The following PROC variants were observed in gnomAD, a reference collection of about 807,000 sequenced individuals.
PROC encodes the protein vitamin K-dependent protein C.
Under a neutral mutation model 36.3 loss-of-function variants are expected in PROC, and 22 were observed. The ratio of observed to expected loss-of-function variants is 0.61; its 90% CI spans 0.43 to 0.86. The LOEUF is 0.86. PROC is among the 40% of genes least tolerant of loss of function. PROC has a pLI of 0.00. For missense variants in PROC, 526 were observed against 629.7 expected, an observed-to-expected ratio of 0.84 and a Z score of 1.76; for synonymous variants, 218 against 244.5, an observed-to-expected ratio of 0.89 and a Z score of 1.01.
rs781215905 is a variant in PROC, at chr2:127,427,133, T to C, written c.707T>C (p.Leu236Pro). The C allele has an allele frequency of 2.5e-6, 4 of 1,613,922 alleles. No homozygotes were observed. Among genetic ancestry groups the C allele is most frequent in the Non-Finnish European group, 2.5e-6 (3 of 1,179,982 alleles). ...QVVLLDSKKK[L>P]ACGAVLIHPS... The stretch of plus-strand genomic sequence containing the variant: ...GTCCTGCTGGACTCAAAGAAGAAGC[T>C]GGCCTGCGGGGCAGTGCTCATCCAC... The change falls in exon 8 of 9, where the codon CTG becomes CCG. Residue 236 changes from leucine (L) to proline (P), a missense_variant. Coordinates refer to ENST00000234071, the MANE Select transcript of PROC (RefSeq NM_000312.4).
chr2:127,423,329 AGAG>A lies in PROC; in HGVS notation c.461_463del (p.Glu154del). On this transcript the variant is annotated inframe_deletion, in exon 6 of 9. Transcript: ENST00000234071. ...ACGGCGGCTGCACGCATTACTGCCT[AGAG>A]GAGGTGGGCTGGCGGCGCTGTAGCT... The A allele has an allele frequency of 3.2e-6, 5 of 1,550,222 alleles. No homozygotes were observed. Among genetic ancestry groups the A allele is most frequent in the South Asian group, 1.2e-5 (1 of 84,072 alleles).
rs776372871 is a variant in PROC, at chr2:127,423,071, G to C, written c.300G>C (p.Pro100=). Residue 100 remains proline, a synonymous_variant, in exon 5 of 9, where the codon CCG becomes CCC. Coordinates refer to ENST00000234071, the MANE Select transcript of PROC (RefSeq NM_000312.4). ...GCTTGGTCTTGCCCTTGGAGCACCC[G>C]TGCGCCAGCCTGTGCTGCGGGCACG... ...DQCLVLPLEH[P]CASLCCGHGT... 11 of 1,612,104 alleles carry C rather than the reference G, an allele frequency of 6.8e-6. No individual in the cohort carries two copies. Among genetic ancestry groups the C allele is most frequent in the Non-Finnish European group, 9.3e-6 (11 of 1,179,592 alleles).
Position 127,428,800 on chromosome 2 carries a change from T to C in PROC, c.1240T>C (p.Trp414Arg). 6.2e-7 allele frequency: 1 copy of C among 1,612,174 alleles called. No homozygotes were observed. Among genetic ancestry groups the C allele is most frequent in the Non-Finnish European group, 8.5e-7 (1 of 1,178,978 alleles). Residue 414 changes from tryptophan to arginine, a missense_variant, in exon 9 of 9, where the codon TGG becomes CGG. By Grantham distance (101) the Trp-to-Arg change is moderately radical (BLOSUM62 -3). Transcript: ENST00000234071. ...GPMVASFHGT[W>R]FLVGLVSWGE... is the part of the protein sequence containing the mutation. ...CATGGTCGCCTCCTTCCACGGCACC[T>C]GGTTCCTGGTGGGCCTGGTGAGCTG...
rs369583440 is a variant in PROC, at chr2:127,422,870, T to G, written c.238-47T>G. 290 of 1,540,724 alleles carry G rather than the reference T, an allele frequency of 1.9e-4. No homozygotes were observed. The African/African-American group carries it at 3.4e-3, about 18-fold the overall frequency. ...CCCTGCCCCACCCGGGCGCGCCCCCTCCGCACACCGGCTGCAGGAGCCTGA... is the reference window on the plus strand; with the variant it reads ...CCCTGCCCCACCCGGGCGCGCCCCCGCCGCACACCGGCTGCAGGAGCCTGA... On this transcript the variant is annotated intron_variant, in intron 3 of 8. Coordinates refer to ENST00000234071, the MANE Select transcript of PROC (RefSeq NM_000312.4).
intron 8 of PROC, among the ~76,000 whole-genome samples, chr2:127,427,433 G>A (rs569552097): frequency 1.1e-4 from 16 of 150,238 alleles, no homozygotes; most frequent in African/African-American, 3.2e-4. Context: ...GTTCTCTGGT[G>A]CCCTCTTCGA....
At chr2:127,427,813 C>T (rs1239060764) in intron 8 of PROC, among the ~76,000 whole-genome samples, 2 of 152,338 alleles carry the variant, frequency 1.3e-5, no homozygotes, top group East Asian at 3.9e-4. Context: ...GCCAGTGGCC[C>T]CCCGTGGGGC....
intron 2 of PROC, among the ~76,000 whole-genome samples, chr2:127,420,683 C>G (rs2069913): frequency 0.23 from 35,631 of 151,960 alleles, 4,279 homozygotes; most frequent in South Asian, 0.37. Context: ...GCACCCAAGA[C>G]AGACACTTCA....
rs780915049 is a variant in PROC, at chr2:127,427,238, A to G, written c.796+16A>G. On this transcript the variant is annotated intron_variant, in intron 8 of 8. Transcript: ENST00000234071. ...GTCAGGCTTGGTATGGGCTGGAGCCAGGCAGAAGGGGGCTGCCAGAGGCCT... is the reference window on the plus strand; with the variant it reads ...GTCAGGCTTGGTATGGGCTGGAGCCGGGCAGAAGGGGGCTGCCAGAGGCCT... 1 of 1,607,068 alleles carries G rather than the reference A, an allele frequency of 6.2e-7. No homozygotes were observed. Among genetic ancestry groups the G allele is most frequent in the Non-Finnish European group, 8.5e-7 (1 of 1,175,764 alleles).
In PROC at chr2:127,423,100, C is replaced by A. The variant is rs370147557; in HGVS notation, c.329C>A (p.Thr110Lys). Residue 110 changes from threonine to lysine, a missense_variant, in exon 5 of 9, where the codon ACG becomes AAG. Physicochemically the swap from Thr to Lys is moderately conservative, Grantham distance 78. Coordinates refer to ENST00000234071, the MANE Select transcript of PROC (RefSeq NM_000312.4). Reference sequence around the variant, plus strand: ...GCCAGCCTGTGCTGCGGGCACGGCACGTGCATCGACGGCATCGGCAGCTTC... The same window carrying A: ...GCCAGCCTGTGCTGCGGGCACGGCAAGTGCATCGACGGCATCGGCAGCTTC... ...PCASLCCGHG[T>K]CIDGIGSFSC... The A allele has an allele frequency of 3.1e-6, 5 of 1,609,692 alleles. No homozygotes were observed. In the African/African-American group the frequency reaches 4.0e-5, roughly 13 times the overall value.
At chr2:127,427,355 T>C (rs892355729) in intron 8 of PROC, 133 bp downstream of exon 8, 3 of 791,628 alleles carry the variant, frequency 3.8e-6, no homozygotes, top group East Asian at 2.7e-5. Context: ...CAGAAGGTGT[T>C]TGGGGGGAAG....
chr2:127,423,155 C>A lies in PROC; in HGVS notation c.384C>A (p.Gly128=), dbSNP rs1255863415. The change falls in exon 5 of 9, where the codon GGC becomes GGA. Residue 128 remains glycine (G), a synonymous_variant. Coordinates refer to ENST00000234071, the MANE Select transcript of PROC (RefSeq NM_000312.4). ...GCGACTGCCGCAGCGGCTGGGAGGG[C>A]CGCTTCTGCCAGCGCGGTGAGGGGG... ...FSCDCRSGWE[G]RFCQREVSFL... The A allele has an allele frequency of 6.3e-7, 1 of 1,594,570 alleles. No homozygotes were observed. Among genetic ancestry groups the A allele is most frequent in the Admixed American group, 1.7e-5 (1 of 58,750 alleles).
At position 127,423,431 on chromosome 2, in the gene PROC, C is replaced by A. The variant is rs780251296; in HGVS notation, c.535+23C>A. On this transcript the variant is annotated intron_variant, in intron 6 of 8. Coordinates refer to ENST00000234071, the MANE Select transcript of PROC (RefSeq NM_000312.4). ...CAGGTGAGAAGCCCCCAATACATCG[C>A]CCAGGAATCACGCTGGGTGCAGGGT... 18 of 1,544,848 alleles carry A rather than the reference C, an allele frequency of 1.2e-5. No homozygotes were observed. In the African/African-American group the frequency reaches 2.2e-4, roughly 19 times the overall value.
intron 2 of PROC, 51 bp downstream of exon 2, chr2:127,420,063 CTGGTGGG>C: frequency 1.3e-6 from 2 of 1,590,252 alleles, no homozygotes; most frequent in Non-Finnish European, 1.7e-6. Context: ...CTACAAGGCC[CTGGTGGG>C]CATCTGCCCA....
In PROC at chr2:127,423,349, G is replaced by T; in HGVS notation, c.476G>T (p.Arg159Leu). The change falls in exon 6 of 9, where the codon CGC becomes CTC. Residue 159 changes from arginine (R) to leucine (L), a missense_variant. Physicochemically the swap from Arg to Leu is moderately radical, Grantham distance 102 (BLOSUM62 -2). Coordinates refer to ENST00000234071, the MANE Select transcript of PROC (RefSeq NM_000312.4). ...TGCCTAGAGGAGGTGGGCTGGCGGCGCTGTAGCTGTGCGCCTGGCTACAAG... is the reference window on the plus strand; with the variant it reads ...TGCCTAGAGGAGGTGGGCTGGCGGCTCTGTAGCTGTGCGCCTGGCTACAAG... ...HYCLEEVGWR[R>L]CSCAPGYKLG... 6.5e-7 allele frequency: 1 copy of T among 1,550,252 alleles called. No individual in the cohort carries two copies. The highest frequency in any genetic ancestry group is 8.7e-7 in the Non-Finnish European group (1 of 1,147,092).
chr2:127,421,480 C>T (rs1356813147), intron 3 of PROC, 31 bp downstream of exon 3: 2 of 1,612,886 alleles, frequency 1.2e-6, no homozygotes, highest in Non-Finnish European at 1.7e-6. Context: ...GAGGATGAGG[C>T]TCAGGGGCGA....
At chr2:127,424,681 A>G (rs924338422) in intron 6 of PROC, among the ~76,000 whole-genome samples, 4 of 152,174 alleles carry the variant, frequency 2.6e-5, no homozygotes, top group Admixed American at 2.0e-4. Context: ...TCTATTTTTA[A>G]AAAAAGTAAA....
At chr2:127,424,488 C>T (rs369485313) in intron 6 of PROC, among the ~76,000 whole-genome samples, 3 of 152,092 alleles carry the variant, frequency 2.0e-5, no homozygotes, top group Admixed American at 1.3e-4. Context: ...CGTGAGCCAC[C>T]GCGCCCAGCC....
chr2:127,428,291 C>T, intron 8 of PROC, 66 bp from the exon 9 acceptor site: 1 of 1,503,618 alleles, frequency 6.7e-7, no homozygotes, highest in Non-Finnish European at 9.1e-7. Context: ...GTGGGTGGGC[C>T]TCAGGAAAGT....
intron 6 of PROC, 154 bp downstream of exon 6, chr2:127,423,562 A>G (rs1688274098): frequency 1.0e-6 from 1 of 973,836 alleles, no homozygotes; most frequent in Non-Finnish European, 1.4e-6. Context: ...GCGCCCCAAC[A>G]CCGGGGCCAC....
Sources: gnomAD v4.1 joint callset for allele counts (sites outside exome capture counted in the v4.1 genomes callset) on GRCh38, gnomAD v4.1.1 for gene constraint, MANE v1.5 for transcripts, NCBI Gene and HGNC (gene_info 2026-07-23, HGNC 2026-07-21) for gene names.